The following PCNX1 variants were observed in gnomAD, a reference collection of about 807,000 sequenced individuals.
PCNX1 encodes the protein pecanex-like protein 1.
Under a neutral mutation model 242.2 loss-of-function variants are expected in PCNX1, and 78 were observed. The observed-to-expected ratio is 0.32, with a 90% CI of 0.27 to 0.39. The LOEUF is 0.39. PCNX1 is among the 10% of genes least tolerant of loss of function. PCNX1 has a pLI of 1.00. For synonymous variants in PCNX1, 1,024 were observed against 1,032.9 expected (o/e 0.99, Z 0.17); for missense variants, 2,581 against 2,856.5 (o/e 0.90, Z 2.20).
At chr14:71,028,667 A>T (rs749157115) in intron 15 of PCNX1, 33 bp from the exon 16 acceptor site, 1 of 1,263,054 alleles carries the variant, frequency 7.9e-7, no homozygotes, top group African/African-American at 1.5e-5. Flanking sequence ...TATTTTTATA[A>T]AATGTTTCTT....
intron 8 of PCNX1, among the ~76,000 whole-genome samples, chr14:70,999,847 T>TC (rs891937790): frequency 1.3e-5 from 2 of 152,170 alleles, no homozygotes; most frequent in Non-Finnish European, 2.9e-5. Context: ...TTAGAGTTAG[T>TC]CTTGGTGTTT....
At position 71,051,886 on chromosome 14, in the gene PCNX1, C is replaced by G; in HGVS notation, c.4451C>G (p.Ser1484Ter). The G allele has an allele frequency of 1.2e-6, 2 of 1,611,578 alleles. No individual in the cohort carries two copies. Among genetic ancestry groups the G allele is most frequent in the Non-Finnish European group, 1.7e-6 (2 of 1,179,184 alleles). ...AFAQPFAVPHSAMLFIQAAVS... is the reference protein window; with the variant it reads ...AFAQPFAVPH ...TCCTTAACTAGTTTTCCCATAGATT[C>G]AGCCATGCTGTTTATTCAGGCTGCT... The change falls in exon 24 of 36, where the codon TCA becomes TGA. Residue 1484 changes from serine to a stop codon, truncating the protein, a stop_gained. Transcript: ENST00000304743. LOFTEE classifies it high-confidence loss of function.
chr14:70,927,882 C>A (rs946975504), intron 1 of PCNX1, among the ~76,000 whole-genome samples: 4 of 152,124 alleles, frequency 2.6e-5, no homozygotes, highest in African/African-American at 9.7e-5. Context: ...GCCACTGCGC[C>A]AGGCCTGATT....
chr14:71,106,632 C>A (rs2062630254), intron 33 of PCNX1, among the ~76,000 whole-genome samples: 1 of 151,938 alleles, frequency 6.6e-6, no homozygotes, highest in African/African-American at 2.4e-5. Flanking sequence ...CCTGCCTCTG[C>A]TCCTTGCTTG....
chr14:70,984,576 C>T (rs559699634), intron 6 of PCNX1, among the ~76,000 whole-genome samples: 2 of 148,978 alleles, frequency 1.3e-5, no homozygotes, highest in South Asian at 2.1e-4. Context: ...TTAGTAGAGA[C>T]GGGGTTTCAC....
intron 30 of PCNX1, among the ~76,000 whole-genome samples, chr14:71,098,549 T>TGAGAGA (rs1262195701): frequency 0.02 from 2,616 of 127,734 alleles, 42 homozygotes; most frequent in African/African-American, 0.052. Flanking sequence ...TGTGTGTGTG[T>TGAGAGA]GTGTGAGAGA....
chr14:70,943,167 G>A (rs1389846289), intron 1 of PCNX1, among the ~76,000 whole-genome samples: 2 of 152,202 alleles, frequency 1.3e-5, no homozygotes, highest in African/African-American at 4.8e-5. Flanking sequence ...ATTGGTACCA[G>A]GTAGTGGGGC....
intron 1 of PCNX1, among the ~76,000 whole-genome samples, chr14:70,911,120 A>G (rs1451091599): frequency 2.0e-5 from 3 of 152,236 alleles, no homozygotes; most frequent in Non-Finnish European, 4.4e-5. Context: ...TGCTCTTACA[A>G]TAATAACTGT....
At chr14:70,919,830 G>A (rs1182375871) in intron 1 of PCNX1, among the ~76,000 whole-genome samples, 1 of 148,028 alleles carries the variant, frequency 6.8e-6, no homozygotes, top group Non-Finnish European at 1.5e-5. Flanking sequence ...AACTTGCACT[G>A]TCAGTGCTAG....
chr14:71,040,433 G>C (rs1456161544), intron 19 of PCNX1, among the ~76,000 whole-genome samples: 2 of 151,986 alleles, frequency 1.3e-5, no homozygotes, highest in African/African-American at 2.4e-5. Context: ...CCTTCACATA[G>C]TTTTCTTCAT....
intron 3 of PCNX1, among the ~76,000 whole-genome samples, chr14:70,962,594 T>C (rs546641699): frequency 1.6e-4 from 25 of 152,364 alleles, no homozygotes; most frequent in Admixed American, 7.8e-4. Flanking sequence ...TTAGGAAATT[T>C]AGCTTCTAGC....
In PCNX1 at chr14:70,907,829, ACGG is replaced by A; in HGVS notation, c.-13_-11del. 8.0e-7 allele frequency: 1 copy of A among 1,252,158 alleles called. No homozygotes were observed. The highest frequency in any genetic ancestry group is 1.0e-6 in the Non-Finnish European group (1 of 997,590). 77.6% of individuals were successfully genotyped at this position (1,252,158 alleles called of 1,614,324 possible). On this transcript the variant is annotated 5_prime_UTR_variant, in exon 1 of 36. Coordinates refer to ENST00000304743, the MANE Select transcript of PCNX1 (RefSeq NM_014982.3). Reference sequence around the variant, plus strand: ...GGGGACGGCGGCGGCGGCGGCGGCGACGGCGGCGGCGCCGGGTGGGGATGGGGT... The same window carrying A: ...GGGGACGGCGGCGGCGGCGGCGGCGACGGCGGCGCCGGGTGGGGATGGGGT...
chr14:70,932,549 T>G (rs2056842485), intron 1 of PCNX1, among the ~76,000 whole-genome samples: 1 of 152,026 alleles, frequency 6.6e-6, no homozygotes, highest in South Asian at 2.1e-4. Context: ...ACCTTTTATG[T>G]CAAATAGTGA....
At chr14:71,076,614 T>G (rs922476538) in intron 28 of PCNX1, among the ~76,000 whole-genome samples, 195 bp downstream of exon 28, 2 of 152,180 alleles carry the variant, frequency 1.3e-5, no homozygotes, top group African/African-American at 4.8e-5. Flanking sequence ...GTGGCCTCCC[T>G]CTTTCTTTCA....
At chr14:70,958,744 G>A (rs1363446755) in intron 2 of PCNX1, among the ~76,000 whole-genome samples, 1 of 151,940 alleles carries the variant, frequency 6.6e-6, no homozygotes, top group Non-Finnish European at 1.5e-5. Flanking sequence ...TGGGTCCTGT[G>A]CTTATTCTAG....
intron 2 of PCNX1, among the ~76,000 whole-genome samples, chr14:70,953,472 AT>A (rs1051088355): frequency 7.9e-5 from 12 of 151,368 alleles, no homozygotes; most frequent in South Asian, 4.2e-4. Context: ...ATTAATAGGA[AT>A]TTTTTATTTT....
chr14:70,996,410 C>G (rs556358796), intron 8 of PCNX1, among the ~76,000 whole-genome samples: 124 of 152,222 alleles, frequency 8.1e-4, no homozygotes, highest in Non-Finnish European at 7.9e-4. Flanking sequence ...ATTCAAAATA[C>G]AGTACTCTAA....
At chr14:70,941,511 C>T (rs2057242392) in intron 1 of PCNX1, among the ~76,000 whole-genome samples, 1 of 152,192 alleles carries the variant, frequency 6.6e-6, no homozygotes, top group Non-Finnish European at 1.5e-5. Context: ...CAGAGGGGCA[C>T]CCGGCTGTAT....
chr14:70,971,578 C>A (rs1345633089), intron 5 of PCNX1, among the ~76,000 whole-genome samples: 1 of 152,138 alleles, frequency 6.6e-6, no homozygotes, highest in Non-Finnish European at 1.5e-5. Flanking sequence ...AAAGTTCCAC[C>A]CTCATGTGGC....
Sources: allele counts gnomAD v4.1 joint callset (sites outside exome capture counted in the v4.1 genomes callset), GRCh38; gene constraint gnomAD v4.1.1; transcripts MANE v1.5; gene names NCBI Gene and HGNC (gene_info 2026-07-23, HGNC 2026-07-21).